TNN: variants seen among roughly 807,000 people sequenced by gnomAD.
TNN encodes tenascin-N.
TNN carries 122 observed loss-of-function variants against 134.4 expected under a neutral mutation model. The ratio of observed to expected loss-of-function variants is 0.91; its 90% CI spans 0.78 to 1.06. TNN has a LOEUF of 1.06. Ranked by LOEUF, TNN falls within the 50% of genes least tolerant of loss-of-function variation. TNN has a pLI of 0.00. For missense variants in TNN, 1,739 were observed against 1,699.4 expected (o/e 1.02, Z -0.41); for synonymous variants, 710 against 670.3 (o/e 1.06, Z -0.91).
chr1:175,092,094 G>A (rs1438529611), intron 6 of TNN, among the ~76,000 whole-genome samples: 1 of 152,172 alleles, frequency 6.6e-6, no homozygotes, highest in African/African-American at 2.4e-5. Flanking sequence ...CTGCTAGGGT[G>A]TTCTTGCTCG....
intron 9 of TNN, among the ~76,000 whole-genome samples, chr1:175,115,764 G>C (rs1406571558): frequency 1.3e-5 from 2 of 152,200 alleles, no homozygotes; most frequent in African/African-American, 4.8e-5. Context: ...TTGTGTACCT[G>C]TAGGCAGCTC....
chr1:175,077,276 T>C (rs1674062165), intron 1 of TNN, 108 bp from the exon 2 acceptor site: 1 of 844,472 alleles, frequency 1.2e-6, no homozygotes, highest in Non-Finnish European at 1.9e-6. Context: ...GAATGAGTTC[T>C]TTCTGCTGGT....
At chr1:175,108,909 G>C (rs1476488631) in intron 9 of TNN, among the ~76,000 whole-genome samples, 1 of 151,886 alleles carries the variant, frequency 6.6e-6, no homozygotes, top group Admixed American at 6.6e-5. Flanking sequence ...GGCTCCCACA[G>C]TGTAGTGGTG....
At chr1:175,117,800 TA>T (rs1275341494) in intron 10 of TNN, among the ~76,000 whole-genome samples, 1 of 152,154 alleles carries the variant, frequency 6.6e-6, no homozygotes, top group Admixed American at 6.5e-5. Flanking sequence ...AACAGTTGCT[TA>T]AACAAGAAAG....
intron 4 of TNN, among the ~76,000 whole-genome samples, chr1:175,081,527 C>T (rs1674198398): frequency 6.6e-6 from 1 of 152,190 alleles, no homozygotes; most frequent in Non-Finnish European, 1.5e-5. Flanking sequence ...TTTGCAGAGA[C>T]ATCAAGCTGC....
intron 15 of TNN, among the ~76,000 whole-genome samples, chr1:175,134,232 A>G (rs1558373468): frequency 1.3e-5 from 2 of 152,096 alleles, no homozygotes; most frequent in Admixed American, 6.5e-5. Flanking sequence ...ACTTAACCAC[A>G]TCCCCAAATG....
In TNN at chr1:175,079,655, C is replaced by A. The variant is rs745964892; in HGVS notation, c.732C>A (p.Asp244Glu). ...PGDCSGHGFC[D>E]TGECYCEEGF... ...ACTGCAGCGGCCACGGCTTCTGTGA[C>A]ACGGGCGAGTGCTACTGCGAGGAGG... The change falls in exon 3 of 19, where the codon GAC becomes GAA. Residue 244 changes from aspartate (D) to glutamate (E), a missense_variant. Transcript: ENST00000239462. The A allele has an allele frequency of 6.2e-7, 1 of 1,609,294 alleles. No homozygotes were observed. Among genetic ancestry groups the A allele is most frequent in the South Asian group, 1.1e-5 (1 of 90,518 alleles).
intron 17 of TNN, among the ~76,000 whole-genome samples, chr1:175,142,362 AC>A (rs1273595699): frequency 6.6e-6 from 1 of 152,152 alleles, no homozygotes; most frequent in Admixed American, 6.5e-5. Flanking sequence ...TATTCACCCC[AC>A]CCACTCCAAA....
intron 17 of TNN, among the ~76,000 whole-genome samples, chr1:175,139,934 T>C (rs1362455527): frequency 6.6e-6 from 1 of 152,236 alleles, no homozygotes; most frequent in African/African-American, 2.4e-5. Flanking sequence ...GGCATGACTG[T>C]ATAAAACATG....
At chr1:175,112,387 C>T (rs759119186) in intron 9 of TNN, among the ~76,000 whole-genome samples, 1 of 151,932 alleles carries the variant, frequency 6.6e-6, no homozygotes, top group African/African-American at 2.4e-5. Context: ...ATAATAACCT[C>T]CTTTGCCTCT....
intron 10 of TNN, 83 bp from the exon 11 acceptor site, chr1:175,118,478 T>C: frequency 6.5e-7 from 1 of 1,537,240 alleles, no homozygotes; most frequent in Admixed American, 1.9e-5. Context: ...CATGAAAGGG[T>C]TTCACCCCAC....
rs1375798790 is a variant in TNN, at chr1:175,105,094, T to C, written c.2119+6499T>C. Among the ~76,000 whole-genome samples the C allele has an allele frequency of 1.4e-5, 2 of 145,978 alleles. 1 individual carries two copies. The highest frequency in any genetic ancestry group is 3.0e-5 in the Non-Finnish European group (2 of 65,776). ...TTACTTGACTAGGATACCAGGTATC[T>C]CCAAACTCTCAGGCTGCAGCTAAAG... is the stretch of plus-strand genomic sequence containing the variant. On this transcript the variant is annotated intron_variant, in intron 9 of 18. Coordinates refer to ENST00000239462, the MANE Select transcript of TNN (RefSeq NM_022093.2).
intron 1 of TNN, among the ~76,000 whole-genome samples, chr1:175,076,398 G>A (rs569881968): frequency 6.6e-6 from 1 of 152,286 alleles, no homozygotes; most frequent in Non-Finnish European, 1.5e-5. Flanking sequence ...AGATGAATCA[G>A]CCCAGTCCTG....
Position 175,126,557 on chromosome 1 carries a change from G to C in TNN, c.2915-398G>C, listed in dbSNP as rs577093973. On this transcript the variant is annotated intron_variant, in intron 12 of 18. Transcript: ENST00000239462. ...TCAGGCAACTTTCCAGGCGGGCCAA[G>C]TCACCCTGGTTTCTTTGTGCATGGC... 1.3e-3 allele frequency among the ~76,000 whole-genome samples: 200 copies of C among 152,314 alleles called. 1 individual carries two copies. Among genetic ancestry groups the C allele is most frequent in the South Asian group, 3.7e-3 (18 of 4,824 alleles).
intron 9 of TNN, 144 bp from the exon 10 acceptor site, chr1:175,116,795 T>C (rs550099835): frequency 1.8e-6 from 2 of 1,129,406 alleles, no homozygotes; most frequent in Admixed American, 2.1e-5. Flanking sequence ...GGATAAGGTC[T>C]ATATCCATGA....
rs776977880 is a variant in TNN at position 175,118,713 on chromosome 1, C to A, written c.2539C>A (p.Gln847Lys). 3 of 1,614,092 alleles carry A rather than the reference C, an allele frequency of 1.9e-6. No individual in the cohort carries two copies. The highest frequency in any genetic ancestry group is 2.5e-6 in the Non-Finnish European group (3 of 1,180,042). ...CAGGGAGGTTCCAGTGGGGAAGGAGCAGAGCAGCACTGTCCTGACGGGCCT... is the reference window on the plus strand; with the variant it reads ...CAGGGAGGTTCCAGTGGGGAAGGAGAAGAGCAGCACTGTCCTGACGGGCCT... The part of the protein sequence containing the change: ...ETREVPVGKE[Q>K]SSTVLTGLRP... The change falls in exon 11 of 19, where the codon CAG (glutamine) becomes AAG (lysine). Residue 847 changes from glutamine to lysine, a missense_variant. Gln to Lys is a moderately conservative substitution (Grantham distance 53). Transcript: ENST00000239462.
In TNN at chr1:175,108,603, G is replaced by A. The variant is rs190988488; in HGVS notation, c.2120-8336G>A. ...GGCTGCAGGTCTCGAGCCCTGCCCCGTGGGAAGGCAGCTAAGGCTCAGCGA... is the reference window on the plus strand; with the variant it reads ...GGCTGCAGGTCTCGAGCCCTGCCCCATGGGAAGGCAGCTAAGGCTCAGCGA... On this transcript the variant is annotated intron_variant, in intron 9 of 18. Coordinates refer to ENST00000239462, the MANE Select transcript of TNN (RefSeq NM_022093.2). Among the ~76,000 whole-genome samples, 31 of 152,376 alleles carry A rather than the reference G, an allele frequency of 2.0e-4. No homozygotes were observed. The East Asian group carries it at 2.5e-3, about 12-fold the overall frequency.
rs915735617 is a variant in TNN at position 175,096,036 on chromosome 1, G to A, written c.1589-1381G>A. Among the ~76,000 whole-genome samples, 7 of 152,224 alleles carry A rather than the reference G, an allele frequency of 4.6e-5. No homozygotes were observed. In the East Asian group the frequency reaches 7.7e-4, roughly 17 times the overall value. On this transcript the variant is annotated intron_variant, in intron 7 of 18. Transcript: ENST00000239462. Reference sequence around the variant, plus strand: ...CACAAACATGAAGGAAGTGATTCACGCCTGTATGGCATTCACAATCCTCTG... The same window carrying A: ...CACAAACATGAAGGAAGTGATTCACACCTGTATGGCATTCACAATCCTCTG...
intron 15 of TNN, among the ~76,000 whole-genome samples, chr1:175,131,855 C>T (rs1342116949): frequency 2.0e-5 from 3 of 151,150 alleles, no homozygotes; most frequent in Non-Finnish European, 4.4e-5. Context: ...TGGTTCAAAA[C>T]AGTGATGCAA....
Sources: gnomAD v4.1 joint callset for allele counts (sites outside exome capture counted in the v4.1 genomes callset) on GRCh38, gnomAD v4.1.1 for gene constraint, MANE v1.5 for transcripts, NCBI Gene and HGNC (gene_info 2026-07-23, HGNC 2026-07-21) for gene names.